KALRN: variants seen among roughly 807,000 people sequenced by gnomAD.
KALRN encodes kalirin.
Under a neutral mutation model 353.7 loss-of-function variants are expected in KALRN, and 70 were observed. The observed-to-expected ratio is 0.20, with a 90% CI of 0.16 to 0.24. The LOEUF is 0.24. KALRN is among the 10% of genes least tolerant of loss of function. The pLI is 1.00. For missense variants in KALRN, 2,791 were observed against 3,756.7 expected (o/e 0.74, Z 6.72); for synonymous variants, 1,391 against 1,434.8 (o/e 0.97, Z 0.69).
chr3:124,061,486 CTT>C (rs2041990450), intron 1 of KALRN, among the ~76,000 whole-genome samples: 1 of 152,210 alleles, frequency 6.6e-6, no homozygotes, highest in Admixed American at 6.5e-5. Context: ...TGTCATCCAG[CTT>C]TTGTTCATAA....
At chr3:124,192,902 C>T (rs1185817485) in intron 1 of KALRN, among the ~76,000 whole-genome samples, 1 of 152,178 alleles carries the variant, frequency 6.6e-6, no homozygotes, top group Non-Finnish European at 1.5e-5. Flanking sequence ...GTTATGGAAG[C>T]CCTAGCAAAG....
rs1243381164 is a variant in KALRN, at chr3:124,472,320, CA to C, written c.4032-2341del. ...ATGGGTATCCTTGCCACTTCTGACACAATAAAACAATTTTTTATCCTGTGTG... is the reference window on the plus strand; with the variant it reads ...ATGGGTATCCTTGCCACTTCTGACACATAAAACAATTTTTTATCCTGTGTG... On this transcript the variant is annotated intron_variant, in intron 25 of 59. Transcript: ENST00000682506. Among the ~76,000 whole-genome samples the C allele has an allele frequency of 2.6e-5, 4 of 152,150 alleles. No individual in the cohort carries two copies. In the East Asian group the frequency reaches 7.7e-4, roughly 29 times the overall value.
chr3:124,634,688 G>C (rs2081162942), intron 36 of KALRN, among the ~76,000 whole-genome samples: 2 of 152,162 alleles, frequency 1.3e-5, no homozygotes, highest in Non-Finnish European at 2.9e-5. Flanking sequence ...TTGCAGCTCT[G>C]CTTTCACATC....
At chr3:124,234,093 G>C (rs889570975) in intron 2 of KALRN, among the ~76,000 whole-genome samples, 10 of 152,118 alleles carry the variant, frequency 6.6e-5, no homozygotes, top group African/African-American at 2.4e-4. Context: ...TGTCATTTTG[G>C]TATACTCCTT....
At chr3:124,177,249 C>T (rs1196778839) in intron 1 of KALRN, among the ~76,000 whole-genome samples, 1 of 152,210 alleles carries the variant, frequency 6.6e-6, no homozygotes, top group African/African-American at 2.4e-5. Flanking sequence ...AAGAACAGGC[C>T]TGCCATTTCT....
Position 124,699,978 on chromosome 3 carries a change from C to A in KALRN, c.7941C>A (p.Pro2647=). 1 of 1,614,136 alleles carries A rather than the reference C, an allele frequency of 6.2e-7. No homozygotes were observed. Among genetic ancestry groups the A allele is most frequent in the Non-Finnish European group, 8.5e-7 (1 of 1,180,020 alleles). ...PYQFRVSASN[P]WGISLPSEPS... is the part of the protein sequence containing the mutation. ...AGTTCAGAGTCAGTGCCAGTAACCC[C>A]TGGGGAATCAGCCTTCCCAGCGAGC... Residue 2647 remains proline (P), a synonymous_variant, in exon 56 of 60, where the codon CCC becomes CCA. Transcript: ENST00000682506.
chr3:124,154,764 A>C (rs866155743), intron 1 of KALRN, among the ~76,000 whole-genome samples: 20 of 152,184 alleles, frequency 1.3e-4, no homozygotes, highest in Admixed American at 2.6e-4. Context: ...AAACTACTTT[A>C]AAGTTCATAT....
At chr3:124,178,967 T>C (rs910327515) in intron 1 of KALRN, among the ~76,000 whole-genome samples, 5 of 152,002 alleles carry the variant, frequency 3.3e-5, no homozygotes, top group African/African-American at 1.2e-4. Context: ...ATTAGCTGGG[T>C]ATGGGGGCAC....
intron 16 of KALRN, among the ~76,000 whole-genome samples, 181 bp downstream of exon 16, chr3:124,430,956 TC>T (rs1358185267): frequency 6.6e-6 from 1 of 152,180 alleles, no homozygotes; most frequent in East Asian, 1.9e-4. Flanking sequence ...CAAGGGTTCA[TC>T]CCCCAGGGAG....
At chr3:124,442,147 A>C (rs2093688338) in intron 19 of KALRN, 88 bp downstream of exon 19, 3 of 655,754 alleles carry the variant, frequency 4.6e-6, no homozygotes, top group South Asian at 3.1e-5. Flanking sequence ...ACACAATCTC[A>C]AATTTCCTGC....
chr3:124,080,215 G>C, intron 1 of KALRN: 1 of 256,142 alleles, frequency 3.9e-6, no homozygotes. Flanking sequence ...TGTGGTAACT[G>C]AAAGCCCAAG....
rs1360998481 is a variant in KALRN, at chr3:124,329,950, C to T, written c.1374C>T (p.His458=). The T allele has an allele frequency of 6.2e-7, 1 of 1,613,786 alleles. No individual in the cohort carries two copies. The highest frequency in any genetic ancestry group is 1.1e-5 in the South Asian group (1 of 91,054). Residue 458 remains histidine, a synonymous_variant, in exon 8 of 60, where the codon CAC becomes CAT. Coordinates refer to ENST00000682506, the MANE Select transcript of KALRN (RefSeq NM_001388419.1). Reference sequence around the variant, plus strand: ...AAGACCTAGAGCTGGCAATCCACCACCACCAGACCTTGTATGAGCAGGTGA... The same window carrying T: ...AAGACCTAGAGCTGGCAATCCACCATCACCAGACCTTGTATGAGCAGGTGA... ...EMQDLELAIH[H]HQTLYEQVTQ... is the part of the protein sequence containing the mutation.
intron 10 of KALRN, among the ~76,000 whole-genome samples, chr3:124,347,903 G>A (rs926632392): frequency 2.0e-5 from 3 of 152,116 alleles, no homozygotes; most frequent in African/African-American, 7.2e-5. Context: ...ATCCAAAAAG[G>A]GCACTGTTTT....
chr3:124,664,373 G>GCGCGCGCA (rs1578785218), intron 45 of KALRN, among the ~76,000 whole-genome samples: 1 of 125,670 alleles, frequency 8.0e-6, no homozygotes, highest in Non-Finnish European at 1.6e-5. Context: ...GTGTGTGTGC[G>GCGCGCGCA]CGCGCGCGCA....
At chr3:124,303,236 A>G (rs1355986082) in intron 6 of KALRN, among the ~76,000 whole-genome samples, 1 of 152,236 alleles carries the variant, frequency 6.6e-6, no homozygotes, top group Non-Finnish European at 1.5e-5. Flanking sequence ...TAGATTTTTT[A>G]TCATAACATG....
chr3:124,130,074 A>G (rs1348323480), intron 1 of KALRN, among the ~76,000 whole-genome samples: 1 of 152,210 alleles, frequency 6.6e-6, no homozygotes, highest in African/African-American at 2.4e-5. Flanking sequence ...GACAACTTTT[A>G]CCATTCAGGA....
At chr3:124,271,832 G>A (rs1447608389) in intron 5 of KALRN, among the ~76,000 whole-genome samples, 1 of 152,202 alleles carries the variant, frequency 6.6e-6, no homozygotes, top group Admixed American at 6.5e-5. Flanking sequence ...TTTTGGTCTG[G>A]TGAAGCATAT....
At chr3:124,203,523 G>A (rs2076136763) in intron 1 of KALRN, among the ~76,000 whole-genome samples, 1 of 152,180 alleles carries the variant, frequency 6.6e-6, no homozygotes, top group Non-Finnish European at 1.5e-5. Context: ...CCTGCCATGG[G>A]CTGCTGCTGG....
chr3:124,583,446 A>C (rs2074819325), intron 34 of KALRN, among the ~76,000 whole-genome samples: 1 of 152,178 alleles, frequency 6.6e-6, no homozygotes, highest in South Asian at 2.1e-4. Flanking sequence ...AAACATGAAA[A>C]AGATTTAAAA....
Sources: gnomAD v4.1 joint callset for allele counts (sites outside exome capture counted in the v4.1 genomes callset) on GRCh38, gnomAD v4.1.1 for gene constraint, MANE v1.5 for transcripts, NCBI Gene and HGNC (gene_info 2026-07-23, HGNC 2026-07-21) for gene names.